SLC9B2: variants seen among roughly 807,000 people sequenced by gnomAD.
SLC9B2 encodes the protein sodium/hydrogen exchanger 9B2.
Under a neutral mutation model 52.2 loss-of-function variants are expected in SLC9B2, and 39 were observed. The observed-to-expected ratio is 0.75, with a 90% confidence interval of 0.58 to 0.98. The LOEUF is 0.98. SLC9B2 is among the 50% of genes least tolerant of loss of function. The probability of loss-of-function intolerance (pLI) is 0.00; values close to 1 mark genes in which losing one functional copy is unlikely to be tolerated. For synonymous variants in SLC9B2, 214 were observed against 227.0 expected (o/e 0.94, Z 0.51); for missense variants, 626 against 637.5 (o/e 0.98, Z 0.19).
intron 1 of SLC9B2, among the ~76,000 whole-genome samples, chr4:103,070,900 C>G (rs180778561): frequency 7.9e-5 from 12 of 152,018 alleles, no homozygotes; most frequent in Non-Finnish European, 1.6e-4. Context: ...AAAAAGACAG[C>G]AATCTAAGAG....
chr4:103,039,935 C>T lies in SLC9B2; in HGVS notation c.1146+3361G>A, dbSNP rs560423333. Among the ~76,000 whole-genome samples the T allele has an allele frequency of 1.3e-3, 203 of 152,056 alleles. 2 individuals are homozygous for T. Among genetic ancestry groups the T allele is most frequent in the African/African-American group, 4.4e-3 (182 of 41,474 alleles). Reference sequence around the variant, plus strand: ...TGCTGGGATTACAGGTGTGAGCCACCGCACCCAGCCTCAAATGGTATATTC... The same window carrying T: ...TGCTGGGATTACAGGTGTGAGCCACTGCACCCAGCCTCAAATGGTATATTC... On this transcript the variant is annotated intron_variant, in intron 9 of 11. Transcript: ENST00000394785.
chr4:103,062,204 T>C (rs928841356), intron 3 of SLC9B2, among the ~76,000 whole-genome samples: 4 of 152,296 alleles, frequency 2.6e-5, no homozygotes, highest in South Asian at 2.1e-4. Flanking sequence ...AGGCGGATCA[T>C]GAGGTCAGAA....
rs1744191868 is a variant in SLC9B2, at chr4:103,046,925, T to TA, written c.889+125dup. ...GGACCCTCCTTAGGTACAGAACTCT[T>TA]AGTGTTCTTTTGCCTATTTTTAATT... On this transcript the variant is annotated intron_variant, in intron 7 of 11. Transcript: ENST00000394785. The TA allele has an allele frequency of 6.4e-6, 7 of 1,098,736 alleles. No homozygotes were observed. The South Asian group carries it at 8.0e-5, about 13-fold the overall frequency. 68.1% of individuals were successfully genotyped at this position (1,098,736 alleles called of 1,614,324 possible).
In SLC9B2 at chr4:103,024,728, A is replaced by T. The variant is rs1020602199; in HGVS notation, c.*1642T>A. ...TAATAAACACTTCAGGTACACAGAT[A>T]ACATGATAAAAACTGTAAACTGTAT... On this transcript the variant is annotated 3_prime_UTR_variant, in exon 12 of 12. Transcript: ENST00000394785. Among the ~76,000 whole-genome samples the T allele has an allele frequency of 1.3e-5, 2 of 152,248 alleles. No homozygotes were observed. Among genetic ancestry groups the T allele is most frequent in the African/African-American group, 4.8e-5 (2 of 41,472 alleles).
intron 1 of SLC9B2, among the ~76,000 whole-genome samples, chr4:103,074,756 C>G (rs1157989078): frequency 6.6e-6 from 1 of 152,080 alleles, no homozygotes; most frequent in Non-Finnish European, 1.5e-5. Flanking sequence ...CAAATTTCCA[C>G]TCATGAAACA....
chr4:103,022,631 G>A lies in SLC9B2; in HGVS notation c.*3739C>T, dbSNP rs541141582. Among the ~76,000 whole-genome samples, 29 of 152,232 alleles carry A rather than the reference G, an allele frequency of 1.9e-4. No individual in the cohort carries two copies. The highest frequency in any genetic ancestry group is 7.0e-4 in the African/African-American group (29 of 41,552). ...GATCATTTGCAAATGTTTACCTGAGGAAATTTTGAGGACATCAAGATCAAT... is the reference window on the plus strand; with the variant it reads ...GATCATTTGCAAATGTTTACCTGAGAAAATTTTGAGGACATCAAGATCAAT... On this transcript the variant is annotated 3_prime_UTR_variant, in exon 12 of 12. Transcript: ENST00000394785.
chr4:103,044,915 A>C lies in SLC9B2; in HGVS notation c.971T>G (p.Ile324Ser), dbSNP rs1743977670. The C allele has an allele frequency of 6.2e-7, 1 of 1,613,910 alleles. No homozygotes were observed. The highest frequency in any genetic ancestry group is 1.7e-5 in the Admixed American group (1 of 60,008). ...VATGSVLGFF[I>S]QYFPSRDQDK... ...CTGGTCACGGCTTGGAAAGTACTGAATGAAAAATCCAAGAACAGATCCAGT... is the reference window on the plus strand; with the variant it reads ...CTGGTCACGGCTTGGAAAGTACTGACTGAAAAATCCAAGAACAGATCCAGT... The change falls in exon 8 of 12, where the codon ATT becomes AGT. Residue 324 changes from isoleucine (I) to serine (S), a missense_variant. Ile to Ser is a moderately radical substitution (Grantham distance 142). Coordinates refer to ENST00000394785, the MANE Select transcript of SLC9B2 (RefSeq NM_178833.7).
downstream of SLC9B2, chr4:103,019,775 T>A (rs996213514): frequency 3.1e-5 from 31 of 985,532 alleles, no homozygotes; most frequent in Middle Eastern, 5.2e-4. Context: ...ACGTCTTGGC[T>A]GTCCGCGCCG....
At chr4:103,046,487 A>T (rs72939317) in intron 7 of SLC9B2, among the ~76,000 whole-genome samples, 1 of 152,198 alleles carries the variant, frequency 6.6e-6, no homozygotes, top group African/African-American at 2.4e-5. Context: ...CCTCAATTTC[A>T]GACACTTACT....
intron 4 of SLC9B2, among the ~76,000 whole-genome samples, chr4:103,057,444 C>T (rs1005761784): frequency 6.6e-6 from 1 of 151,936 alleles, no homozygotes; most frequent in Non-Finnish European, 1.5e-5. Flanking sequence ...GCTGGGACTA[C>T]AGGTGCACGT....
Position 103,074,795 on chromosome 4 carries a change from T to C in SLC9B2, c.-43+1389A>G, listed in dbSNP as rs1746966512. Among the ~76,000 whole-genome samples the C allele has an allele frequency of 2.0e-5, 3 of 152,354 alleles. No individual in the cohort carries two copies. In the South Asian group the frequency reaches 6.2e-4, roughly 32 times the overall value. On this transcript the variant is annotated intron_variant, in intron 1 of 11. Coordinates refer to ENST00000394785, the MANE Select transcript of SLC9B2 (RefSeq NM_178833.7). ...CAACAACAATAAAATATCACTACTA[T>C]TGCTGCCTGGAGTTTCATTTCTGCT...
intron 9 of SLC9B2, among the ~76,000 whole-genome samples, chr4:103,041,477 A>G (rs186772989): frequency 1.8e-3 from 268 of 152,288 alleles, no homozygotes; most frequent in African/African-American, 5.9e-3. Flanking sequence ...ATCGGAAGTG[A>G]TCAGTTTCCC....
chr4:103,039,771 C>T (rs1156349951), intron 9 of SLC9B2, among the ~76,000 whole-genome samples: 2 of 151,214 alleles, frequency 1.3e-5, no homozygotes, highest in African/African-American at 2.4e-5. Flanking sequence ...CTCAGCCTCC[C>T]GAGTAGCTGG....
Position 103,072,056 on chromosome 4 carries a change from GTTTTTTT to G in SLC9B2, c.-43+4121_-43+4127del, listed in dbSNP as rs779979130. ...CAAAATTTTCAAGTTTGGCTTTCAT[GTTTTTTT>G]TTTTTTTTTTTTTGAGGTGGAGTTT... On this transcript the variant is annotated intron_variant, in intron 1 of 11. Transcript: ENST00000394785. 3.3e-4 allele frequency among the ~76,000 whole-genome samples: 31 copies of G among 95,304 alleles called. 2 individuals are homozygous for G. Among genetic ancestry groups the G allele is most frequent in the Admixed American group, 1.7e-3 (13 of 7,716 alleles). The allele number at this position is 95,304 out of a possible 152,430, so 62.5% of individuals were successfully genotyped here.
chr4:103,058,002 C>A (rs749356727), intron 3 of SLC9B2, 31 bp from the exon 4 acceptor site: 55 of 1,567,850 alleles, frequency 3.5e-5, no homozygotes, highest in Non-Finnish European at 4.7e-5. Flanking sequence ...TAGTTACTAT[C>A]AATAAGTTGT....
chr4:103,044,853 T>C, intron 8 of SLC9B2, 37 bp downstream of exon 8: 1 of 1,493,536 alleles, frequency 6.7e-7, no homozygotes, highest in Non-Finnish European at 9.3e-7. Context: ...CCAATGATAT[T>C]TCAGAGCACA....
intron 1 of SLC9B2, among the ~76,000 whole-genome samples, chr4:103,068,669 C>A (rs980054975): frequency 1.2e-4 from 18 of 152,076 alleles, no homozygotes; most frequent in African/African-American, 3.1e-4. Flanking sequence ...GTTTTTTCTT[C>A]TTTTTTAACT....
At chr4:103,055,076 G>A (rs1050372954) in intron 4 of SLC9B2, among the ~76,000 whole-genome samples, 3 of 152,102 alleles carry the variant, frequency 2.0e-5, no homozygotes, top group African/African-American at 7.2e-5. Flanking sequence ...TGATGAGTTC[G>A]TGTCCTTTAC....
chr4:103,052,549 A>G (rs545854733), intron 4 of SLC9B2, among the ~76,000 whole-genome samples: 2 of 152,362 alleles, frequency 1.3e-5, no homozygotes, highest in South Asian at 4.1e-4. Flanking sequence ...ACTAATGCTT[A>G]CATTCCATTA....
Sources: gnomAD v4.1 joint callset for allele counts (sites outside exome capture counted in the v4.1 genomes callset) on GRCh38, gnomAD v4.1.1 for gene constraint, MANE v1.5 for transcripts, NCBI Gene and HGNC (gene_info 2026-07-23, HGNC 2026-07-21) for gene names.